WDPCP: variants seen among roughly 807,000 people sequenced by gnomAD.
WDPCP encodes WD repeat containing planar cell polarity effector, also known as WD repeat-containing and planar cell polarity effector protein fritz homolog.
WDPCP carries 71 observed loss-of-function variants against 93.1 expected under a neutral mutation model. That is an observed-to-expected ratio of 0.76 (90% CI 0.63 to 0.93). The LOEUF is 0.93. Ranked by LOEUF, WDPCP falls within the 40% of genes least tolerant of loss-of-function variation. The probability of loss-of-function intolerance (pLI) is 0.00; values close to 1 mark genes in which losing one functional copy is unlikely to be tolerated. For missense variants in WDPCP, 844 were observed against 887.4 expected (o/e 0.95, Z 0.62); for synonymous variants, 315 against 315.0 (o/e 1.00, Z 0.00).
At chr2:63,470,914 G>A (rs1372202568) in intron 6 of WDPCP, among the ~76,000 whole-genome samples, 1 of 151,756 alleles carries the variant, frequency 6.6e-6, no homozygotes, top group Non-Finnish European at 1.5e-5. Flanking sequence ...CCTCTACCTG[G>A]AACGCTCTTC....
chr2:63,811,218 C>T (rs1294659670), intron 2 of WDPCP, among the ~76,000 whole-genome samples: 3 of 152,214 alleles, frequency 2.0e-5, no homozygotes, highest in African/African-American at 4.8e-5. Context: ...TTGGTGTTCA[C>T]ATCTCTGCTA....
intron 6 of WDPCP, chr2:63,442,830 A>T (rs1697588837): frequency 6.6e-6 from 1 of 152,182 alleles, no homozygotes; most frequent in African/African-American, 2.4e-5. Flanking sequence ...TTTTCTATGT[A>T]TGAGCGTTTG....
At chr2:63,787,489 T>C (rs889586295) in intron 2 of WDPCP, among the ~76,000 whole-genome samples, 9 of 152,150 alleles carry the variant, frequency 5.9e-5, no homozygotes, top group Non-Finnish European at 1.2e-4. Flanking sequence ...TAATTTTGAC[T>C]TAAAAAAATT....
chr2:63,328,487 C>T (rs534047330), intron 12 of WDPCP, among the ~76,000 whole-genome samples: 9 of 152,242 alleles, frequency 5.9e-5, no homozygotes, highest in East Asian at 1.9e-4. Context: ...CTGGACGTGC[C>T]GCCTTTAAGA....
intron 14 of WDPCP, among the ~76,000 whole-genome samples, chr2:63,204,918 T>C (rs893241093): frequency 6.6e-6 from 1 of 152,194 alleles, no homozygotes; most frequent in African/African-American, 2.4e-5. Flanking sequence ...ACTTAAGAAG[T>C]TTCTACCCAG....
intron 13 of WDPCP, among the ~76,000 whole-genome samples, chr2:63,268,570 G>C (rs1682355954): frequency 6.6e-6 from 1 of 152,088 alleles, no homozygotes; most frequent in African/African-American, 2.4e-5. Flanking sequence ...GGGCTCAGGT[G>C]ATCCTCCCAT....
intron 14 of WDPCP, among the ~76,000 whole-genome samples, chr2:63,180,698 G>A (rs1674175894): frequency 6.6e-6 from 1 of 152,136 alleles, no homozygotes; most frequent in South Asian, 2.1e-4. Context: ...TAGATAGCCA[G>A]TAGTGGGATT....
At chr2:63,526,236 T>C (rs1703330628) in intron 1 of WDPCP, among the ~76,000 whole-genome samples, 1 of 152,220 alleles carries the variant, frequency 6.6e-6, no homozygotes, top group Non-Finnish European at 1.5e-5. Flanking sequence ...ACAGTTGTTT[T>C]TTCTTGTGTG....
At chr2:63,540,599 T>C (rs1398553342) in intron 1 of WDPCP, among the ~76,000 whole-genome samples, 3 of 152,244 alleles carry the variant, frequency 2.0e-5, no homozygotes, top group Non-Finnish European at 4.4e-5. Context: ...ATTATATGTG[T>C]TTATAAACGT....
chr2:63,254,915 A>C (rs1260240343), intron 14 of WDPCP, among the ~76,000 whole-genome samples: 2 of 152,204 alleles, frequency 1.3e-5, no homozygotes, highest in Non-Finnish European at 2.9e-5. Flanking sequence ...AATGAAATGC[A>C]GGAATATGTA....
chr2:63,653,206 C>T (rs909372911), intron 2 of WDPCP, among the ~76,000 whole-genome samples: 2 of 152,150 alleles, frequency 1.3e-5, no homozygotes, highest in Non-Finnish European at 2.9e-5. Flanking sequence ...TATAGAGGTC[C>T]TTTTCAGACT....
At chr2:63,424,858 C>A (rs1177811865) in intron 9 of WDPCP, among the ~76,000 whole-genome samples, 2 of 152,008 alleles carry the variant, frequency 1.3e-5, no homozygotes, top group Non-Finnish European at 1.5e-5. Context: ...AGGTATTGGG[C>A]GCGGTGCGAG....
chr2:63,127,480 T>C (rs1261801921), intron 17 of WDPCP, among the ~76,000 whole-genome samples: 1 of 151,894 alleles, frequency 6.6e-6, no homozygotes, highest in Non-Finnish European at 1.5e-5. Context: ...GTTTATCAAT[T>C]ACTCCATCTC....
Position 63,121,984 on chromosome 2 carries a change from A to C in WDPCP, c.*22T>G. The C allele has an allele frequency of 6.2e-7, 1 of 1,612,988 alleles. No individual in the cohort carries two copies. The highest frequency in any genetic ancestry group is 2.2e-5 in the East Asian group (1 of 44,750). ...TGAAAAGTTTAGATATGAAGAAGGCAGTTTTCTTTTTTTCTTAATGTTTAC... is the reference window on the plus strand; with the variant it reads ...TGAAAAGTTTAGATATGAAGAAGGCCGTTTTCTTTTTTTCTTAATGTTTAC... On this transcript the variant is annotated 3_prime_UTR_variant, in exon 18 of 18. Transcript: ENST00000272321.
chr2:63,403,341 G>A (rs1192250651), intron 10 of WDPCP, among the ~76,000 whole-genome samples: 2 of 152,070 alleles, frequency 1.3e-5, no homozygotes, highest in Non-Finnish European at 1.5e-5. Flanking sequence ...TAATACCTGT[G>A]TGATGAAATA....
Position 63,385,676 on chromosome 2 carries a change from A to G in WDPCP, c.1436-3582T>C, listed in dbSNP as rs145169242. On this transcript the variant is annotated intron_variant, in intron 10 of 17. Coordinates refer to ENST00000272321, the MANE Select transcript of WDPCP (RefSeq NM_015910.7). The stretch of plus-strand genomic sequence containing the variant: ...GATTAGGAGACTCAATATTGTTAAG[A>G]ATCATTCCTCCCTAAAATGATCTAT... Among the ~76,000 whole-genome samples, 316 of 152,120 alleles carry G rather than the reference A, an allele frequency of 2.1e-3. 8 individuals are homozygous for G. In the East Asian group the frequency reaches 0.047, roughly 23 times the overall value.
At chr2:63,240,412 A>G (rs1224460381) in intron 14 of WDPCP, among the ~76,000 whole-genome samples, 1 of 152,096 alleles carries the variant, frequency 6.6e-6, no homozygotes, top group African/African-American at 2.4e-5. Flanking sequence ...TCCTGGCCTC[A>G]AGCTATCCTC....
chr2:63,450,844 A>C (rs1012638471), intron 6 of WDPCP, among the ~76,000 whole-genome samples: 1 of 151,016 alleles, frequency 6.6e-6, no homozygotes, highest in African/African-American at 2.4e-5. Context: ...CTTCAGGAAA[A>C]AGTCATCCCC....
intron 14 of WDPCP, among the ~76,000 whole-genome samples, chr2:63,234,175 A>G (rs1679174012): frequency 1.3e-5 from 2 of 152,220 alleles, no homozygotes; most frequent in South Asian, 4.1e-4. Flanking sequence ...TTCTGGCTCT[A>G]GTTCTTGCAC....
Sources: allele counts gnomAD v4.1 joint callset (sites outside exome capture counted in the v4.1 genomes callset), GRCh38; gene constraint gnomAD v4.1.1; transcripts MANE v1.5; gene names NCBI Gene and HGNC (gene_info 2026-07-23, HGNC 2026-07-21).